Variants in SNTG1 observed in about 807,000 individuals in gnomAD.
SNTG1 encodes gamma-1-syntrophin.
Under a neutral mutation model 74.7 loss-of-function variants are expected in SNTG1, and 39 were observed. The ratio of observed to expected loss-of-function variants is 0.52; its 90% confidence interval spans 0.40 to 0.68. The LOEUF (loss-of-function observed/expected upper bound fraction) is 0.68, where lower values mean the gene tolerates loss of function less well. SNTG1 is among the 30% of genes least tolerant of loss of function. SNTG1 has a pLI of 0.00. For missense variants in SNTG1, 685 were observed against 609.5 expected (o/e 1.12, Z -1.30); for synonymous variants, 254 against 217.1 (o/e 1.17, Z -1.49).
At chr8:50,196,715 G>C (rs1023357850) in intron 2 of SNTG1, among the ~76,000 whole-genome samples, 3 of 151,554 alleles carry the variant, frequency 2.0e-5, no homozygotes, top group African/African-American at 7.3e-5. Context: ...CCAGGACTTC[G>C]AGAAGCTGAG....
At position 50,794,054 on chromosome 8, in the gene SNTG1, T is replaced by A. The variant is rs1443968511; in HGVS notation, c.*1225T>A. 1 of 151,692 alleles carries A rather than the reference T, an allele frequency of 6.6e-6. No individual in the cohort carries two copies. The highest frequency in any genetic ancestry group is 1.5e-5 in the Non-Finnish European group (1 of 67,848). 9.4% of individuals were successfully genotyped at this position (151,692 alleles called of 1,614,324 possible). On this transcript the variant is annotated 3_prime_UTR_variant, in exon 19 of 19. Coordinates refer to ENST00000642720, the MANE Select transcript of SNTG1 (RefSeq NM_018967.5). ...GTATTATTCAACTAGTTGTATAACA[T>A]GGAACACAGTCTCTGTCCTTCAGTA...
At chr8:50,488,486 C>A (rs1400914856) in intron 8 of SNTG1, among the ~76,000 whole-genome samples, 1 of 152,164 alleles carries the variant, frequency 6.6e-6, no homozygotes, top group Non-Finnish European at 1.5e-5. Context: ...CTTCACTGAT[C>A]TATTTAAAAT....
chr8:50,438,500 G>A, intron 4 of SNTG1, 43 bp from the exon 5 acceptor site: 1 of 1,560,102 alleles, frequency 6.4e-7, no homozygotes, highest in South Asian at 1.1e-5. Context: ...TGTAAGTATA[G>A]TATTAGGAAA....
intron 15 of SNTG1, among the ~76,000 whole-genome samples, chr8:50,691,912 ACATAGTCC>A (rs1164816617): frequency 6.6e-6 from 1 of 152,060 alleles, no homozygotes; most frequent in African/African-American, 2.4e-5. Flanking sequence ...TGGTCTTTTC[ACATAGTCC>A]CATGTTTCTT....
At chr8:50,490,187 T>G (rs1379683334) in intron 8 of SNTG1, among the ~76,000 whole-genome samples, 1 of 152,186 alleles carries the variant, frequency 6.6e-6, no homozygotes, top group Admixed American at 6.5e-5. Context: ...TGTACTATAG[T>G]TCGAAATCAA....
At chr8:50,591,083 A>G (rs1048872424) in intron 13 of SNTG1, among the ~76,000 whole-genome samples, 166 bp downstream of exon 13, 5 of 152,106 alleles carry the variant, frequency 3.3e-5, no homozygotes, top group Non-Finnish European at 7.4e-5. Context: ...TATGTAATAT[A>G]TTGGTTCCTC....
At chr8:50,270,821 G>A (rs1325652533) in intron 2 of SNTG1, among the ~76,000 whole-genome samples, 1 of 152,154 alleles carries the variant, frequency 6.6e-6, no homozygotes, top group Non-Finnish European at 1.5e-5. Flanking sequence ...AGCTGTTCAA[G>A]CCCTGTTTCT....
intron 1 of SNTG1, among the ~76,000 whole-genome samples, chr8:50,049,515 G>T (rs73571355): frequency 6.6e-6 from 1 of 152,220 alleles, no homozygotes; most frequent in African/African-American, 2.4e-5. Context: ...TGACAGAATT[G>T]TTAGGATAAC....
chr8:50,224,998 TCTCA>T (rs1312933497), intron 2 of SNTG1, among the ~76,000 whole-genome samples: 2 of 151,900 alleles, frequency 1.3e-5, no homozygotes, highest in South Asian at 2.1e-4. Context: ...TGAGATGGAG[TCTCA>T]CTCTGTTGCC....
chr8:49,990,314 G>T (rs969149658), intron 1 of SNTG1, among the ~76,000 whole-genome samples: 2 of 151,950 alleles, frequency 1.3e-5, no homozygotes, highest in African/African-American at 4.8e-5. Flanking sequence ...ATGTAAGACT[G>T]AAACTGTAAA....
chr8:50,576,318 C>T (rs1190281635), intron 12 of SNTG1, among the ~76,000 whole-genome samples: 1 of 152,080 alleles, frequency 6.6e-6, no homozygotes, highest in Non-Finnish European at 1.5e-5. Flanking sequence ...GGACTCTATT[C>T]TATTCTATGT....
At chr8:50,453,530 GCAAATCA>G (rs1210900897) in intron 8 of SNTG1, among the ~76,000 whole-genome samples, 1 of 152,112 alleles carries the variant, frequency 6.6e-6, no homozygotes, top group African/African-American at 2.4e-5. Context: ...AAACAACTCT[GCAAATCA>G]TAGCTCAACC....
intron 2 of SNTG1, among the ~76,000 whole-genome samples, chr8:50,325,398 A>C (rs1344044324): frequency 6.6e-6 from 1 of 152,028 alleles, no homozygotes; most frequent in East Asian, 1.9e-4. Context: ...ATTTCATTCA[A>C]GTTTCATAGT....
At chr8:50,288,047 G>A (rs894685929) in intron 2 of SNTG1, among the ~76,000 whole-genome samples, 1 of 152,062 alleles carries the variant, frequency 6.6e-6, no homozygotes, top group Non-Finnish European at 1.5e-5. Context: ...TTTGGGGACT[G>A]TAAGTTATTT....
In SNTG1 at chr8:50,460,998, C is replaced by CT. The variant is rs1451888420; in HGVS notation, c.363+10278dup. Among the ~76,000 whole-genome samples the CT allele has an allele frequency of 2.4e-3, 361 of 151,096 alleles. 2 individuals are homozygous for CT. The highest frequency in any genetic ancestry group is 8.0e-3 in the African/African-American group (330 of 41,238). Reference sequence around the variant, plus strand: ...GATTTCATTAGTTTTTACCTAATGGCTTTTTTTTTCCTCTTACAGGATCCC... The same window carrying CT: ...GATTTCATTAGTTTTTACCTAATGGCTTTTTTTTTTCCTCTTACAGGATCCC... On this transcript the variant is annotated intron_variant, in intron 8 of 18. Transcript: ENST00000642720.
At chr8:50,453,342 A>G (rs1296038103) in intron 8 of SNTG1, among the ~76,000 whole-genome samples, 3 of 152,164 alleles carry the variant, frequency 2.0e-5, no homozygotes, top group African/African-American at 7.2e-5. Flanking sequence ...TATATTTCTC[A>G]TGGGACCAGT....
At chr8:50,689,990 T>C (rs1486584291) in intron 15 of SNTG1, among the ~76,000 whole-genome samples, 5 of 152,346 alleles carry the variant, frequency 3.3e-5, no homozygotes, top group South Asian at 4.1e-4. Context: ...GATGTATGTG[T>C]CGAGGAATTT....
chr8:50,353,083 T>G (rs1483218730), intron 2 of SNTG1, among the ~76,000 whole-genome samples: 2 of 152,156 alleles, frequency 1.3e-5, no homozygotes, highest in African/African-American at 4.8e-5. Context: ...CCATAAAAAG[T>G]GATGAGTTCA....
intron 9 of SNTG1, among the ~76,000 whole-genome samples, chr8:50,504,538 T>A (rs2093990458): frequency 6.6e-6 from 1 of 152,132 alleles, no homozygotes; most frequent in African/African-American, 2.4e-5. Context: ...ATGCGTGTAA[T>A]CCCAGCATTT....
Sources: allele counts gnomAD v4.1 joint callset (sites outside exome capture counted in the v4.1 genomes callset), GRCh38; gene constraint gnomAD v4.1.1; transcripts MANE v1.5; gene names NCBI Gene and HGNC (gene_info 2026-07-23, HGNC 2026-07-21).